Variants in RXRA observed in about 807,000 individuals in gnomAD.
RXRA encodes retinoic acid receptor RXR-alpha.
In RXRA, 5 loss-of-function variants were observed where a neutral mutation model predicts 44.5. That is an observed-to-expected ratio of 0.11 (90% CI 0.06 to 0.24). The LOEUF (loss-of-function observed/expected upper bound fraction) is 0.24. RXRA is among the 10% of genes least tolerant of loss of function. The pLI is 1.00. For missense variants in RXRA, 412 were observed against 646.5 expected (o/e 0.64, Z 3.93); for synonymous variants, 291 against 271.4 (o/e 1.07, Z -0.71).
intron 1 of RXRA, among the ~76,000 whole-genome samples, chr9:134,384,185 C>T (rs1330514895): frequency 1.3e-5 from 2 of 151,904 alleles, no homozygotes; most frequent in African/African-American, 2.4e-5. Context: ...AGTGTCACCC[C>T]GGTTGGGGGG....
At chr9:134,427,237 G>A (rs1032141614) in intron 6 of RXRA, 13 of 923,144 alleles carry the variant, frequency 1.4e-5, no homozygotes, top group South Asian at 5.0e-5. Context: ...AGCTGTTTTC[G>A]CGGCTGGCTC....
chr9:134,336,570 A>G (rs1462159032), intron 1 of RXRA, among the ~76,000 whole-genome samples: 4 of 152,098 alleles, frequency 2.6e-5, no homozygotes, highest in African/African-American at 7.2e-5. Context: ...GCCTTGGTGG[A>G]TGTCGCTGAA....
chr9:134,431,814 G>A, intron 7 of RXRA, 91 bp from the exon 8 acceptor site: 8 of 1,005,490 alleles, frequency 8.0e-6, no homozygotes, highest in East Asian at 5.0e-5. Flanking sequence ...GGGCCACGCC[G>A]GGCTCTCCAG....
chr9:134,398,140 C>T (rs905028881), intron 1 of RXRA, among the ~76,000 whole-genome samples: 1 of 152,122 alleles, frequency 6.6e-6, no homozygotes, highest in Non-Finnish European at 1.5e-5. Context: ...CCACCATGCC[C>T]AGCTAATTTT....
intron 1 of RXRA, among the ~76,000 whole-genome samples, chr9:134,360,351 G>A (rs561296018): frequency 2.0e-5 from 3 of 152,314 alleles, no homozygotes; most frequent in South Asian, 4.1e-4. Flanking sequence ...TTTCCACCCC[G>A]CTGGTCACGG....
At chr9:134,367,070 A>G (rs531606995) in intron 1 of RXRA, among the ~76,000 whole-genome samples, 1 of 152,260 alleles carries the variant, frequency 6.6e-6, no homozygotes, top group South Asian at 2.1e-4. Context: ...TCATCTTTTT[A>G]AGGCGTGCAG....
At chr9:134,403,937 C>T (rs1255701386) in intron 2 of RXRA, 1 of 152,354 alleles carries the variant, frequency 6.6e-6, no homozygotes, top group East Asian at 1.9e-4. Flanking sequence ...TGGGTCTCAC[C>T]CGCAGTTAGT....
At chr9:134,385,166 T>C (rs1166096071) in intron 1 of RXRA, among the ~76,000 whole-genome samples, 3 of 152,180 alleles carry the variant, frequency 2.0e-5, no homozygotes, top group South Asian at 4.1e-4. Context: ...TCAGGCCTCC[T>C]GGGTGGATGG....
At chr9:134,347,094 CCT>C (rs1170701523) in intron 1 of RXRA, among the ~76,000 whole-genome samples, 1 of 150,854 alleles carries the variant, frequency 6.6e-6, no homozygotes, top group Non-Finnish European at 1.5e-5. Context: ...GGGGTGGTGG[CCT>C]CTCTGTCCCT....
intron 1 of RXRA, among the ~76,000 whole-genome samples, chr9:134,329,332 C>T (rs1554746386): frequency 6.6e-6 from 1 of 152,258 alleles, no homozygotes; most frequent in African/African-American, 2.4e-5. Context: ...CCCGCTCGGG[C>T]CTGACGAGGG....
At chr9:134,395,738 C>CT (rs1830868186) in intron 1 of RXRA, among the ~76,000 whole-genome samples, 1 of 152,390 alleles carries the variant, frequency 6.6e-6, no homozygotes, top group Admixed American at 6.5e-5. Context: ...TCCGACCCTG[C>CT]TTTGGGGCCC....
chr9:134,436,044 C>T (rs1453054170), intron 9 of RXRA, among the ~76,000 whole-genome samples: 1 of 152,238 alleles, frequency 6.6e-6, no homozygotes, highest in Non-Finnish European at 1.5e-5. Context: ...CAGGGTCTCA[C>T]TGCGTTGCCC....
At position 134,389,429 on chromosome 9, in the gene RXRA, G is replaced by A. The variant is rs754347529; in HGVS notation, c.29-12203G>A. Among the ~76,000 whole-genome samples, 7 of 151,720 alleles carry A rather than the reference G, an allele frequency of 4.6e-5. No homozygotes were observed. The South Asian group carries it at 1.0e-3, about 23-fold the overall frequency. Reference sequence around the variant, plus strand: ...GCCAGGGCTTGGGCGCCTCTGTCCCGGGCTGGGGGCTTTGGACTTTGGGGG... The same window carrying A: ...GCCAGGGCTTGGGCGCCTCTGTCCCAGGCTGGGGGCTTTGGACTTTGGGGG... On this transcript the variant is annotated intron_variant, in intron 1 of 9. Transcript: ENST00000481739.
intron 4 of RXRA, among the ~76,000 whole-genome samples, chr9:134,415,503 G>A (rs1313993720): frequency 1.3e-5 from 2 of 152,120 alleles, no homozygotes; most frequent in Non-Finnish European, 2.9e-5. Context: ...TCAGTCCATG[G>A]GTGGCTGGTG....
intron 9 of RXRA, among the ~76,000 whole-genome samples, 158 bp from the exon 10 acceptor site, chr9:134,436,309 T>C (rs1831619681): frequency 6.6e-6 from 1 of 152,206 alleles, no homozygotes; most frequent in African/African-American, 2.4e-5. Context: ...CCTCCCCTCC[T>C]TCCTTCTGGA....
At chr9:134,430,297 C>T (rs543346112) in intron 7 of RXRA, among the ~76,000 whole-genome samples, 4 of 152,164 alleles carry the variant, frequency 2.6e-5, no homozygotes, top group Non-Finnish European at 4.4e-5. Context: ...AGGGGCACTG[C>T]GGGGTCCCTT....
At chr9:134,374,531 G>A (rs1278803852) in intron 1 of RXRA, among the ~76,000 whole-genome samples, 1 of 152,152 alleles carries the variant, frequency 6.6e-6, no homozygotes, top group East Asian at 1.9e-4. Flanking sequence ...CTGGCTTGAG[G>A]GAGGCCCCCG....
rs913300159 is a variant in RXRA, at chr9:134,385,066, C to A, written c.29-16566C>A. ...TGAGTCGCTGCTGCTCAGAGCTACC[C>A]CTGCGCAGCCTTCCTTGAGGCCTGG... On this transcript the variant is annotated intron_variant, in intron 1 of 9. Transcript: ENST00000481739. Among the ~76,000 whole-genome samples the A allele has an allele frequency of 3.9e-5, 6 of 152,332 alleles. No homozygotes were observed. In the East Asian group the frequency reaches 1.2e-3, roughly 29 times the overall value.
intron 6 of RXRA, chr9:134,422,463 CACACTCCCTGCTACCGGG>C: frequency 8.0e-7 from 1 of 1,257,522 alleles, no homozygotes; most frequent in Non-Finnish European, 1.0e-6. Context: ...ACTCCCGGGA[CACACTCCCTGCTACCGGG>C]ACACTCCCCC....
Sources: gnomAD v4.1 joint callset for allele counts (sites outside exome capture counted in the v4.1 genomes callset) on GRCh38, gnomAD v4.1.1 for gene constraint, MANE v1.5 for transcripts, NCBI Gene and HGNC (gene_info 2026-07-23, HGNC 2026-07-21) for gene names.